Variants in KIF26B observed in about 807,000 individuals in gnomAD.
The protein encoded by KIF26B is kinesin-like protein KIF26B.
Under a neutral mutation model 151.2 loss-of-function variants are expected in KIF26B, and 63 were observed. The observed-to-expected ratio is 0.42, with a 90% confidence interval of 0.34 to 0.51. The LOEUF (loss-of-function observed/expected upper bound fraction) is 0.51, where lower values mean the gene tolerates loss of function less well. Among genes scored for constraint, KIF26B ranks in the 20% least tolerant of loss-of-function variants. The pLI, the probability that KIF26B is intolerant of heterozygous loss-of-function variation, is 0.07. For synonymous variants in KIF26B, 1,357 were observed against 1,262.1 expected, an observed-to-expected ratio of 1.08 and a Z score of -1.59; for missense variants, 2,813 against 2,913.6, an observed-to-expected ratio of 0.97 and a Z score of 0.79.
At chr1:245,529,492 A>G (rs1661313230) in intron 4 of KIF26B, among the ~76,000 whole-genome samples, 1 of 152,224 alleles carries the variant, frequency 6.6e-6, no homozygotes, top group Non-Finnish European at 1.5e-5. Context: ...TCTAAAATCC[A>G]GATCTCTGCA....
intron 3 of KIF26B, among the ~76,000 whole-genome samples, chr1:245,419,350 T>A (rs1343056978): frequency 6.6e-6 from 1 of 152,180 alleles, no homozygotes. Flanking sequence ...ACTTACAATG[T>A]CGGGGGATAA....
chr1:245,582,951 A>G (rs892565498), intron 5 of KIF26B, among the ~76,000 whole-genome samples: 3 of 151,486 alleles, frequency 2.0e-5, no homozygotes, highest in Non-Finnish European at 4.4e-5. Context: ...CCGCAAAACA[A>G]CTCCATCCCC....
At chr1:245,533,454 C>T (rs774302358) in intron 4 of KIF26B, among the ~76,000 whole-genome samples, 1 of 152,110 alleles carries the variant, frequency 6.6e-6, no homozygotes, top group Non-Finnish European at 1.5e-5. Flanking sequence ...ATTTGAGCAT[C>T]CCACACTTGA....
At chr1:245,583,189 T>G (rs1037629684) in intron 5 of KIF26B, among the ~76,000 whole-genome samples, 6 of 152,170 alleles carry the variant, frequency 3.9e-5, no homozygotes, top group Non-Finnish European at 7.3e-5. Context: ...CCAGGGAAGA[T>G]CCCGTTGCTG....
chr1:245,196,109 G>T lies in KIF26B; in HGVS notation c.465+39426G>T, dbSNP rs894116284. Reference sequence around the variant, plus strand: ...TGGTTTTAGAGCCTTATATATTATGGTGACAGATCCAAGGACACAATGATT... The same window carrying T: ...TGGTTTTAGAGCCTTATATATTATGTTGACAGATCCAAGGACACAATGATT... On this transcript the variant is annotated intron_variant, in intron 2 of 14. Transcript: ENST00000407071. Among the ~76,000 whole-genome samples the T allele has an allele frequency of 1.6e-4, 24 of 152,150 alleles. 1 individual carries two copies. The highest frequency in any genetic ancestry group is 5.1e-4 in the African/African-American group (21 of 41,420).
chr1:245,648,492 G>C (rs961791086), intron 10 of KIF26B, among the ~76,000 whole-genome samples: 4 of 151,748 alleles, frequency 2.6e-5, no homozygotes, highest in African/African-American at 9.7e-5. Flanking sequence ...AAAATTAACC[G>C]GGCATGGTGT....
At chr1:245,468,009 C>G (rs1468490028) in intron 4 of KIF26B, among the ~76,000 whole-genome samples, 1 of 146,310 alleles carries the variant, frequency 6.8e-6, no homozygotes, top group East Asian at 2.1e-4. Context: ...TTGAACACCC[C>G]TGAAGCATTT....
At chr1:245,251,117 G>A (rs1670435885) in intron 2 of KIF26B, among the ~76,000 whole-genome samples, 1 of 152,160 alleles carries the variant, frequency 6.6e-6, no homozygotes, top group Admixed American at 6.5e-5. Context: ...AGAGACTTAG[G>A]GACCAAGGTT....
intron 2 of KIF26B, among the ~76,000 whole-genome samples, chr1:245,275,814 T>G (rs1670926456): frequency 6.6e-6 from 1 of 152,186 alleles, no homozygotes; most frequent in Non-Finnish European, 1.5e-5. Context: ...AAAGACTCCC[T>G]TTAGTAATTC....
At chr1:245,212,148 C>T (rs1464950664) in intron 2 of KIF26B, among the ~76,000 whole-genome samples, 1 of 152,340 alleles carries the variant, frequency 6.6e-6, no homozygotes, top group Non-Finnish European at 1.5e-5. Flanking sequence ...TGGGGCTGGC[C>T]TCCATTTCAG....
At chr1:245,330,975 G>A (rs1487183862) in intron 2 of KIF26B, among the ~76,000 whole-genome samples, 3 of 152,004 alleles carry the variant, frequency 2.0e-5, no homozygotes, top group Non-Finnish European at 4.4e-5. Flanking sequence ...TAAGGAACGG[G>A]GGCGGTTAGA....
chr1:245,486,425 T>G (rs181569971), intron 4 of KIF26B, among the ~76,000 whole-genome samples: 4 of 152,290 alleles, frequency 2.6e-5, no homozygotes, highest in African/African-American at 9.6e-5. Flanking sequence ...CCATCACATA[T>G]AGTGCTATAT....
chr1:245,656,241 G>A (rs2044072785), intron 10 of KIF26B, among the ~76,000 whole-genome samples: 1 of 152,044 alleles, frequency 6.6e-6, no homozygotes, highest in South Asian at 2.1e-4. Flanking sequence ...AAGGGGTCGG[G>A]TGGGGCTGAG....
chr1:245,166,552 G>A lies in KIF26B; in HGVS notation c.465+9869G>A, dbSNP rs192859441. ...CCCTTCTTTAAGCCCGGCCCCTCTC[G>A]TAGCCCCTCCAGGGAGACTTGCAGA... On this transcript the variant is annotated intron_variant, in intron 2 of 14. Coordinates refer to ENST00000407071, the MANE Select transcript of KIF26B (RefSeq NM_018012.4). The surrounding 1 kb of genome is among the most constrained non-coding windows in gnomAD (Gnocchi z 4.5). 6.6e-3 allele frequency among the ~76,000 whole-genome samples: 1,002 copies of A among 152,230 alleles called. 3 individuals are homozygous for A. The highest frequency in any genetic ancestry group is 0.012 in the Non-Finnish European group (783 of 68,016).
intron 2 of KIF26B, among the ~76,000 whole-genome samples, chr1:245,165,345 G>A (rs1668598615): frequency 6.6e-6 from 1 of 152,198 alleles, no homozygotes; most frequent in African/African-American, 2.4e-5. Flanking sequence ...TGTGGGTGGT[G>A]CTGCCAGTTA....
At chr1:245,502,607 T>G (rs567167765) in intron 4 of KIF26B, among the ~76,000 whole-genome samples, 11 of 151,568 alleles carry the variant, frequency 7.3e-5, no homozygotes, top group African/African-American at 2.7e-4. Context: ...GACTGCAAGC[T>G]CAATGAAGAT....
rs946999415 is a variant in KIF26B at position 245,708,247 on chromosome 1, A to G, written c.*5641A>G. 6.6e-6 allele frequency: 1 copy of G among 152,242 alleles called. No homozygotes were observed. The highest frequency in any genetic ancestry group is 2.4e-5 in the African/African-American group (1 of 41,466). The allele number at this position is 152,242 out of a possible 1,614,324, so 9.4% of individuals were successfully genotyped here. ...TGGGAGAGCATCAAGAGAAAGTGGT[A>G]TAAGTGATGGGAAGTGCTTTGAAGA... is the stretch of plus-strand genomic sequence containing the variant. On this transcript the variant is annotated 3_prime_UTR_variant, in exon 15 of 15. Transcript: ENST00000407071.
chr1:245,700,083 G>A (rs2044749378), intron 14 of KIF26B, among the ~76,000 whole-genome samples: 1 of 151,916 alleles, frequency 6.6e-6, no homozygotes, highest in Non-Finnish European at 1.5e-5. Context: ...TGGATTCTTG[G>A]GACAGTCTGT....
chr1:245,592,790 A>C (rs1053274563), intron 5 of KIF26B, among the ~76,000 whole-genome samples: 13 of 152,064 alleles, frequency 8.5e-5, no homozygotes, highest in Non-Finnish European at 1.5e-4. Context: ...ATTTAAGCCA[A>C]TTTACTTTTG....
Sources: gnomAD v4.1 joint callset for allele counts (sites outside exome capture counted in the v4.1 genomes callset) on GRCh38, gnomAD v4.1.1 for gene constraint, Gnocchi (gnomAD v3.1) non-coding constraint, MANE v1.5 for transcripts, NCBI Gene and HGNC (gene_info 2026-07-23, HGNC 2026-07-21) for gene names.